The following ADAM23 variants were observed in gnomAD, a reference collection of about 807,000 sequenced individuals.
ADAM23 encodes disintegrin and metalloproteinase domain-containing protein 23.
ADAM23 carries 33 observed loss-of-function variants against 120.1 expected under a neutral mutation model. That is an observed-to-expected ratio of 0.27 (90% confidence interval 0.21 to 0.37). ADAM23 has a LOEUF of 0.37. Among genes scored for constraint, ADAM23 ranks in the 10% least tolerant of loss-of-function variants. ADAM23 has a pLI of 1.00. For missense variants in ADAM23, 862 were observed against 1,058.2 expected (o/e 0.81, Z 2.57); for synonymous variants, 367 against 375.2 (o/e 0.98, Z 0.25).
chr2:206,596,694 G>A lies in ADAM23; in HGVS notation c.2359+532G>A, dbSNP rs146974811. Among the ~76,000 whole-genome samples the A allele has an allele frequency of 2.8e-3, 426 of 152,226 alleles. 1 individual carries two copies. Among genetic ancestry groups the A allele is most frequent in the African/African-American group, 7.4e-3 (306 of 41,534 alleles). On this transcript the variant is annotated intron_variant, in intron 24 of 25. Coordinates refer to ENST00000264377, the MANE Select transcript of ADAM23 (RefSeq NM_003812.4). The stretch of plus-strand genomic sequence containing the variant: ...CCTTTGTTTTAATCAGTCATTAAGA[G>A]GAGAGAAATTAGAATTTTGGGATTA...
intron 2 of ADAM23, among the ~76,000 whole-genome samples, chr2:206,470,574 G>T (rs1669387142): frequency 6.6e-6 from 1 of 152,192 alleles, no homozygotes; most frequent in African/African-American, 2.4e-5. Flanking sequence ...TTTGTTTTGA[G>T]TAAAATTGTG....
chr2:206,564,626 C>T (rs1697842188), intron 13 of ADAM23, among the ~76,000 whole-genome samples: 1 of 152,186 alleles, frequency 6.6e-6, no homozygotes, highest in Admixed American at 6.5e-5. Context: ...AACACTGAGA[C>T]CCAGGAAATG....
At chr2:206,455,780 A>G (rs1045629169) in intron 2 of ADAM23, among the ~76,000 whole-genome samples, 3 of 152,176 alleles carry the variant, frequency 2.0e-5, no homozygotes, top group Non-Finnish European at 2.9e-5. Context: ...ACTCTTTGCT[A>G]AAGCATAGCA....
intron 14 of ADAM23, among the ~76,000 whole-genome samples, chr2:206,565,605 G>T (rs894138959): frequency 1.3e-5 from 2 of 152,182 alleles, no homozygotes; most frequent in Non-Finnish European, 2.9e-5. Context: ...TTGGGAACTA[G>T]AGCAGCTTCC....
chr2:206,598,877 G>A (rs550681335), intron 24 of ADAM23, among the ~76,000 whole-genome samples: 117 of 151,890 alleles, frequency 7.7e-4, no homozygotes, highest in African/African-American at 2.8e-3. Flanking sequence ...TCCAGCCTGG[G>A]TGATAGAGTG....
At chr2:206,607,836 A>T in intron 24 of ADAM23, 2 of 287,688 alleles carry the variant, frequency 7.0e-6, no homozygotes, top group South Asian at 6.6e-5. Flanking sequence ...TTCTTAGTTT[A>T]ATTGATAGAG....
At position 206,597,178 on chromosome 2, in the gene ADAM23, CT is replaced by C. The variant is rs1173847537; in HGVS notation, c.2359+1035del. Among the ~76,000 whole-genome samples, 1,192 of 126,120 alleles carry C rather than the reference CT, an allele frequency of 9.5e-3. 17 individuals are homozygous for C. Among genetic ancestry groups the C allele is most frequent in the African/African-American group, 0.031 (1,041 of 33,510 alleles). 82.7% of individuals were successfully genotyped at this position (126,120 alleles called of 152,430 possible). On this transcript the variant is annotated intron_variant, in intron 24 of 25. Coordinates refer to ENST00000264377, the MANE Select transcript of ADAM23 (RefSeq NM_003812.4). ...ACTGCACCCGCCCCTCTTACATCAT[CT>C]TTTTTTTTTTTTTTTTTTGAGACAG...
At chr2:206,560,952 A>G (rs762143362) in intron 11 of ADAM23, among the ~76,000 whole-genome samples, 176 bp from the exon 12 acceptor site, 1 of 152,228 alleles carries the variant, frequency 6.6e-6, no homozygotes, top group Admixed American at 6.5e-5. Flanking sequence ...ATTACGTAAC[A>G]TAACAAATTT....
At chr2:206,479,511 C>T (rs563532566) in intron 2 of ADAM23, among the ~76,000 whole-genome samples, 17 of 152,214 alleles carry the variant, frequency 1.1e-4, no homozygotes, top group Non-Finnish European at 2.4e-4. Context: ...CTTTTTTGAT[C>T]TAGAGCTGAA....
rs1022929301 is a variant in ADAM23 at position 206,497,719 on chromosome 2, G to T, written c.509+16411G>T. Among the ~76,000 whole-genome samples the T allele has an allele frequency of 7.4e-4, 113 of 152,174 alleles. 3 individuals carry two copies. The highest frequency in any genetic ancestry group is 2.8e-4 in the Non-Finnish European group (19 of 68,038). ...GAATAGAGGAAGTCAAGTTGTCCCT[G>T]TTTGCAGATGACATGATTGTGTATC... On this transcript the variant is annotated intron_variant, in intron 3 of 25. Transcript: ENST00000264377.
At chr2:206,518,511 C>T (rs1696779517) in intron 3 of ADAM23, among the ~76,000 whole-genome samples, 1 of 152,108 alleles carries the variant, frequency 6.6e-6, no homozygotes, top group African/African-American at 2.4e-5. Context: ...AACATGTTAG[C>T]ATGACTCTCA....
chr2:206,549,525 T>G (rs1486512679), intron 8 of ADAM23, among the ~76,000 whole-genome samples: 1 of 152,002 alleles, frequency 6.6e-6, no homozygotes, highest in Non-Finnish European at 1.5e-5. Flanking sequence ...GACTTTAGAC[T>G]GTAATAATTG....
chr2:206,576,770 T>TA (rs1344131953), intron 18 of ADAM23, among the ~76,000 whole-genome samples: 1 of 152,292 alleles, frequency 6.6e-6, no homozygotes, highest in Non-Finnish European at 1.5e-5. Flanking sequence ...TTATTAAACT[T>TA]ACGGTTTATA....
intron 24 of ADAM23, 170 bp from the exon 25 acceptor site, chr2:206,609,740 C>T (rs1419696039): frequency 1.8e-6 from 1 of 564,268 alleles, no homozygotes; most frequent in African/African-American, 2.0e-5. Context: ...CCAAGCAACG[C>T]TCACCGTAGC....
chr2:206,471,352 C>G (rs1468528809), intron 2 of ADAM23, among the ~76,000 whole-genome samples: 1 of 152,124 alleles, frequency 6.6e-6, no homozygotes, highest in African/African-American at 2.4e-5. Flanking sequence ...GTTAAAGAAC[C>G]TTCTATTGCC....
intron 20 of ADAM23, among the ~76,000 whole-genome samples, chr2:206,589,113 A>G (rs1235337938): frequency 6.6e-6 from 1 of 152,130 alleles, no homozygotes; most frequent in Non-Finnish European, 1.5e-5. Context: ...ACCAACAAGG[A>G]TTGGAGAGAA....
chr2:206,479,064 A>G (rs1046456242), intron 2 of ADAM23, among the ~76,000 whole-genome samples: 1 of 152,174 alleles, frequency 6.6e-6, no homozygotes, highest in Non-Finnish European at 1.5e-5. Flanking sequence ...AGGACTTAAT[A>G]TGTTTGTGTG....
intron 24 of ADAM23, among the ~76,000 whole-genome samples, chr2:206,601,755 G>T (rs1698643625): frequency 6.9e-6 from 1 of 144,778 alleles, no homozygotes; most frequent in South Asian, 2.2e-4. Context: ...GCCTGAGCAA[G>T]AGAGTAAGAC....
chr2:206,608,324 C>T (rs1035042263), intron 24 of ADAM23, among the ~76,000 whole-genome samples: 3 of 152,176 alleles, frequency 2.0e-5, no homozygotes, highest in African/African-American at 7.2e-5. Context: ...AGTTTCCTGA[C>T]CCTTGACTTA....
Sources: allele counts gnomAD v4.1 joint callset (sites outside exome capture counted in the v4.1 genomes callset), GRCh38; gene constraint gnomAD v4.1.1; transcripts MANE v1.5; gene names NCBI Gene and HGNC (gene_info 2026-07-23, HGNC 2026-07-21).